The following LINGO2 variants were observed in gnomAD, a reference collection of about 807,000 sequenced individuals.
LINGO2 encodes the protein leucine-rich repeat and immunoglobulin-like domain-containing nogo receptor-interacting protein 2.
LINGO2 carries 14 observed loss-of-function variants against 30.6 expected under a neutral mutation model. That is an observed-to-expected ratio of 0.46 (90% CI 0.30 to 0.72). The LOEUF (loss-of-function observed/expected upper bound fraction) is 0.72, where lower values mean the gene tolerates loss of function less well. Among genes scored for constraint, LINGO2 ranks in the 30% least tolerant of loss-of-function variants. The pLI is 0.07. For synonymous variants in LINGO2, 317 were observed against 288.5 expected (o/e 1.10, Z -1.00); for missense variants, 729 against 751.7 (o/e 0.97, Z 0.35).
At chr9:28,440,703 A>AC (rs1250251260) in intron 2 of LINGO2, among the ~76,000 whole-genome samples, 1 of 152,206 alleles carries the variant, frequency 6.6e-6, no homozygotes, top group Non-Finnish European at 1.5e-5. Context: ...AACTATGACT[A>AC]CCCTATGAAG....
intron 2 of LINGO2, among the ~76,000 whole-genome samples, chr9:28,452,897 G>A (rs1824704330): frequency 2.0e-5 from 3 of 151,856 alleles, no homozygotes; most frequent in Admixed American, 6.6e-5. Flanking sequence ...GCACGAGATA[G>A]TCATAGTTCT....
At chr9:28,196,900 G>A (rs1820033804) in intron 4 of LINGO2, among the ~76,000 whole-genome samples, 1 of 151,964 alleles carries the variant, frequency 6.6e-6, no homozygotes, top group African/African-American at 2.4e-5. Flanking sequence ...GGCCAGGATG[G>A]GAAGTGGGGA....
At chr9:28,274,990 T>TA (rs1823065987) in intron 4 of LINGO2, among the ~76,000 whole-genome samples, 1 of 152,302 alleles carries the variant, frequency 6.6e-6, no homozygotes, top group South Asian at 2.1e-4. Flanking sequence ...TTCCTGTCAG[T>TA]ATGAGTATCT....
At chr9:29,017,389 A>T in the LINGO2 span, among the ~76,000 whole-genome samples, 1 of 152,180 alleles carries the variant, frequency 6.6e-6, no homozygotes, top group Non-Finnish European at 1.5e-5. Context: ...CAAAGCAAAA[A>T]GAGAAAAACA....
chr9:28,129,223 G>A lies in LINGO2; in HGVS notation c.-86-116818C>T, dbSNP rs1391316866. 6.6e-6 allele frequency among the ~76,000 whole-genome samples: 1 copy of A among 152,064 alleles called. No individual in the cohort carries two copies. Among genetic ancestry groups the A allele is most frequent in the Non-Finnish European group, 1.5e-5 (1 of 68,008 alleles). On this transcript the variant is annotated intron_variant, in intron 4 of 5. Coordinates refer to ENST00000379992, the Ensembl canonical transcript of LINGO2. This position sits in a 1 kb window ranked among gnomAD's most constrained non-coding sequence, Gnocchi z 4.0. The stretch of plus-strand genomic sequence containing the variant: ...CTCAGCTTGCAGGCAGCCTATCGTG[G>A]GACTTCACCTGGTAATCGTGGGAGT...
chr9:28,717,023 C>G, the LINGO2 span, among the ~76,000 whole-genome samples: 6 of 151,960 alleles, frequency 3.9e-5, no homozygotes, highest in Middle Eastern at 3.2e-3. Flanking sequence ...TTAATATAAG[C>G]TGTAAAAACA....
chr9:28,432,307 T>G (rs1325168728), intron 2 of LINGO2, among the ~76,000 whole-genome samples: 1 of 152,036 alleles, frequency 6.6e-6, no homozygotes, highest in East Asian at 1.9e-4. Flanking sequence ...AAGCTCATTT[T>G]GACACTAAAA....
At chr9:29,139,651 T>C in the LINGO2 span, among the ~76,000 whole-genome samples, 2 of 152,106 alleles carry the variant, frequency 1.3e-5, no homozygotes, top group East Asian at 1.9e-4. Flanking sequence ...CATGAAAGTA[T>C]AAAACCAGAT....
At chr9:27,957,305 T>C (rs1031940814) in intron 5 of LINGO2, among the ~76,000 whole-genome samples, 1 of 152,124 alleles carries the variant, frequency 6.6e-6, no homozygotes, top group Non-Finnish European at 1.5e-5. Flanking sequence ...ATTTTTTGTT[T>C]GTTTGTTGGG....
the LINGO2 span, among the ~76,000 whole-genome samples, chr9:28,953,676 T>A: frequency 6.6e-6 from 1 of 152,104 alleles, no homozygotes; most frequent in Non-Finnish European, 1.5e-5. Flanking sequence ...GAAGAATATC[T>A]AGTCTGATAT....
rs528772348 is a variant in LINGO2, at chr9:28,005,314, T to A, written c.-36+7041A>T. ...GTAGCTGTTTTAACCTTAGCCAATT[T>A]GGTTATCATGTTTCTTAACTGCTCT... On this transcript the variant is annotated intron_variant, in intron 5 of 5. Coordinates refer to ENST00000379992, the Ensembl canonical transcript of LINGO2. Among the ~76,000 whole-genome samples the A allele has an allele frequency of 5.3e-5, 8 of 152,326 alleles. No individual in the cohort carries two copies. The East Asian group carries it at 1.5e-3, about 29-fold the overall frequency.
At chr9:29,078,300 A>G in the LINGO2 span, among the ~76,000 whole-genome samples, 13 of 151,918 alleles carry the variant, frequency 8.6e-5, no homozygotes, top group Admixed American at 4.6e-4. Flanking sequence ...ACCAAATGAA[A>G]ATCTGGAGAA....
chr9:29,129,416 T>C, the LINGO2 span, among the ~76,000 whole-genome samples: 1 of 152,258 alleles, frequency 6.6e-6, no homozygotes, highest in Admixed American at 6.5e-5. Context: ...TTACTTTTGA[T>C]GCTCATTGGC....
intron 1 of LINGO2, among the ~76,000 whole-genome samples, chr9:28,513,685 T>C (rs948273211): frequency 1.3e-5 from 2 of 152,244 alleles, no homozygotes; most frequent in African/African-American, 4.8e-5. Context: ...TATTGTTCTA[T>C]AAAATTAACA....
chr9:28,606,192 C>A (rs190046134), intron 1 of LINGO2, among the ~76,000 whole-genome samples: 1 of 151,936 alleles, frequency 6.6e-6, no homozygotes, highest in Non-Finnish European at 1.5e-5. Context: ...TAAATAGGGA[C>A]CATCTTTTAA....
chr9:27,941,842 T>G, the LINGO2 span: 1 of 152,190 alleles, frequency 6.6e-6, no homozygotes, highest in African/African-American at 2.4e-5. Flanking sequence ...ACTAAAGTTG[T>G]TTCTCTTTTT....
chr9:27,962,143 G>A (rs1819879149), intron 5 of LINGO2, among the ~76,000 whole-genome samples: 1 of 152,118 alleles, frequency 6.6e-6, no homozygotes, highest in Non-Finnish European at 1.5e-5. Flanking sequence ...CAACATAAAA[G>A]TTTTATGATG....
intron 4 of LINGO2, among the ~76,000 whole-genome samples, chr9:28,102,089 C>A (rs1305848068): frequency 6.6e-6 from 1 of 151,948 alleles, no homozygotes; most frequent in Non-Finnish European, 1.5e-5. Flanking sequence ...GCCACAGAGA[C>A]CACGTTGGAA....
the LINGO2 span, among the ~76,000 whole-genome samples, chr9:29,137,441 A>C: frequency 6.6e-6 from 1 of 152,176 alleles, no homozygotes; most frequent in Non-Finnish European, 1.5e-5. Flanking sequence ...TCAAAGGTTC[A>C]AATAAGGTGT....
Sources: allele counts gnomAD v4.1 joint callset (sites outside exome capture counted in the v4.1 genomes callset), GRCh38; gene constraint gnomAD v4.1.1; non-coding constraint Gnocchi (gnomAD v3.1); transcripts MANE v1.5; gene names NCBI Gene and HGNC (gene_info 2026-07-23, HGNC 2026-07-21).